PPARGC1A: variants seen among roughly 807,000 people sequenced by gnomAD.
The protein encoded by PPARGC1A is peroxisome proliferator-activated receptor gamma coactivator 1-alpha.
In PPARGC1A, 25 loss-of-function variants were observed where a neutral mutation model predicts 88.7. That is an observed-to-expected ratio of 0.28 (90% confidence interval 0.21 to 0.39). The LOEUF (loss-of-function observed/expected upper bound fraction) is 0.39, where lower values mean the gene tolerates loss of function less well. Among genes scored for constraint, PPARGC1A ranks in the 10% least tolerant of loss-of-function variants. The pLI, the probability that PPARGC1A is intolerant of heterozygous loss-of-function variation, is 1.00. For missense variants in PPARGC1A, 880 were observed against 968.7 expected (o/e 0.91, Z 1.22); for synonymous variants, 363 against 355.6 (o/e 1.02, Z -0.24).
At chr4:24,396,646 C>A in the PPARGC1A span, among the ~76,000 whole-genome samples, 1 of 151,854 alleles carries the variant, frequency 6.6e-6, no homozygotes, top group Non-Finnish European at 1.5e-5. Context: ...CTTCTGAGAC[C>A]TGAGCAAGCA....
chr4:24,387,820 GAAA>G, the PPARGC1A span, among the ~76,000 whole-genome samples: 2 of 67,964 alleles, frequency 2.9e-5, no homozygotes, highest in African/African-American at 7.7e-5. Context: ...AAGAAAGAAA[GAAA>G]GAGAGAAAGA....
chr4:24,117,861 A>G, the PPARGC1A span, among the ~76,000 whole-genome samples: 1 of 151,210 alleles, frequency 6.6e-6, no homozygotes, highest in Admixed American at 6.6e-5. Context: ...AGTTCTAAGC[A>G]TTTCTTATAC....
At chr4:23,829,400 T>A in intron 4 of PPARGC1A, 63 bp downstream of exon 4, 1 of 1,559,528 alleles carries the variant, frequency 6.4e-7, no homozygotes, top group South Asian at 1.1e-5. Flanking sequence ...CTTATTTGTT[T>A]TACTGCTTCA....
the PPARGC1A span, among the ~76,000 whole-genome samples, chr4:24,301,738 G>A: frequency 2.0e-5 from 3 of 151,786 alleles, no homozygotes; most frequent in Non-Finnish European, 4.4e-5. Context: ...CATTTATGGG[G>A]TAGAATGTCC....
chr4:23,996,742 C>G, the PPARGC1A span, among the ~76,000 whole-genome samples: 4 of 152,230 alleles, frequency 2.6e-5, no homozygotes, highest in African/African-American at 9.6e-5. Context: ...TATACAATCA[C>G]AACTACTCAA....
chr4:24,202,555 T>C, the PPARGC1A span, among the ~76,000 whole-genome samples: 4 of 152,200 alleles, frequency 2.6e-5, no homozygotes, highest in Non-Finnish European at 4.4e-5. Context: ...AGTGGACACA[T>C]TAATAAATAC....
the PPARGC1A span, among the ~76,000 whole-genome samples, chr4:24,387,762 G>GAAAGAAA: frequency 1.4e-5 from 1 of 73,006 alleles, no homozygotes; most frequent in Non-Finnish European, 2.5e-5. Context: ...GAGAGAGAGA[G>GAAAGAAA]AGAGAGAAAG....
At chr4:23,920,959 G>A in the PPARGC1A span, among the ~76,000 whole-genome samples, 4 of 151,638 alleles carry the variant, frequency 2.6e-5, no homozygotes, top group South Asian at 2.1e-4. Flanking sequence ...GGGCTTGCCC[G>A]TCCAGTAAAC....
At chr4:24,333,115 G>A in the PPARGC1A span, among the ~76,000 whole-genome samples, 272 of 152,188 alleles carry the variant, frequency 1.8e-3, 2 homozygotes, top group African/African-American at 5.9e-3. Context: ...GGTGACACGC[G>A]CCTGTAATCC....
At chr4:23,910,208 C>T in the PPARGC1A span, among the ~76,000 whole-genome samples, 1 of 69,138 alleles carries the variant, frequency 1.4e-5, no homozygotes, top group East Asian at 3.0e-4. Flanking sequence ...AAAATTTATA[C>T]ATATATAATA....
chr4:24,053,030 A>ATT, the PPARGC1A span, among the ~76,000 whole-genome samples: 4 of 140,850 alleles, frequency 2.8e-5, no homozygotes, highest in African/African-American at 2.6e-5. Context: ...CACCCGGCTA[A>ATT]TTTTTTTTTT....
chr4:24,058,790 A>T, the PPARGC1A span, among the ~76,000 whole-genome samples: 1 of 152,150 alleles, frequency 6.6e-6, no homozygotes, highest in African/African-American at 2.4e-5. Flanking sequence ...TACTAAAAAT[A>T]CAAAATTAGC....
the PPARGC1A span, among the ~76,000 whole-genome samples, chr4:23,926,867 C>T: frequency 1.3e-5 from 2 of 152,162 alleles, no homozygotes; most frequent in Non-Finnish European, 2.9e-5. Flanking sequence ...ATCTGTTTCC[C>T]CCACAGACAA....
chr4:23,995,769 C>A, the PPARGC1A span, among the ~76,000 whole-genome samples: 1 of 152,168 alleles, frequency 6.6e-6, no homozygotes, highest in African/African-American at 2.4e-5. Flanking sequence ...CATGAGCCCA[C>A]CCTTTCCTTC....
the PPARGC1A span, among the ~76,000 whole-genome samples, chr4:24,115,212 T>C: frequency 6.6e-6 from 1 of 152,184 alleles, no homozygotes; most frequent in East Asian, 1.9e-4. Context: ...TGTCATCCAA[T>C]AACACATTAA....
the PPARGC1A span, among the ~76,000 whole-genome samples, chr4:24,151,817 A>C: frequency 1.3e-5 from 2 of 152,162 alleles, no homozygotes; most frequent in African/African-American, 2.4e-5. Flanking sequence ...ATGGCATCCC[A>C]AATAGGTCTA....
chr4:24,044,631 T>G, the PPARGC1A span, among the ~76,000 whole-genome samples: 1 of 152,174 alleles, frequency 6.6e-6, no homozygotes, highest in East Asian at 1.9e-4. Context: ...TCTGCGATAT[T>G]TCAGACATCA....
the PPARGC1A span, among the ~76,000 whole-genome samples, chr4:24,386,046 G>A: frequency 9.2e-5 from 14 of 152,146 alleles, no homozygotes; most frequent in African/African-American, 3.4e-4. Context: ...TATCAACCAT[G>A]ATCAAGTCAG....
intron 2 of PPARGC1A, among the ~76,000 whole-genome samples, chr4:23,863,381 T>C (rs1731589384): frequency 6.6e-6 from 1 of 152,192 alleles, no homozygotes. Flanking sequence ...CTTGATATTC[T>C]TTATGCAAGT....
Sources: gnomAD v4.1 joint callset for allele counts (sites outside exome capture counted in the v4.1 genomes callset) on GRCh38, gnomAD v4.1.1 for gene constraint, MANE v1.5 for transcripts, NCBI Gene and HGNC (gene_info 2026-07-23, HGNC 2026-07-21) for gene names.